The following ARL3 variants were observed in gnomAD, a reference collection of about 807,000 sequenced individuals.
The protein encoded by ARL3 is ARF like GTPase 3, also known as ADP-ribosylation factor-like protein 3.
Under a neutral mutation model 26.0 loss-of-function variants are expected in ARL3, and 9 were observed. That is an observed-to-expected ratio of 0.35 (90% CI 0.21 to 0.60). ARL3 has a LOEUF of 0.60. Among genes scored for constraint, ARL3 ranks in the 20% least tolerant of loss-of-function variants. The probability of loss-of-function intolerance (pLI) is 0.78; values close to 1 mark genes in which losing one functional copy is unlikely to be tolerated. For missense variants in ARL3, 158 were observed against 215.7 expected, an observed-to-expected ratio of 0.73 and a Z score of 1.67; for synonymous variants, 71 against 78.4, an observed-to-expected ratio of 0.91 and a Z score of 0.50.
chr10:102,681,703 C>T (rs1233205209), intron 5 of ARL3, among the ~76,000 whole-genome samples: 1 of 152,096 alleles, frequency 6.6e-6, no homozygotes, highest in African/African-American at 2.4e-5. Flanking sequence ...GCACGATCTG[C>T]TGGCTTAAGG....
chr10:102,699,860 C>CA (rs1008823515), intron 2 of ARL3, among the ~76,000 whole-genome samples: 36 of 150,026 alleles, frequency 2.4e-4, no homozygotes, highest in African/African-American at 6.6e-4. Context: ...TAACTAACAA[C>CA]AAAAAAAAAG....
At chr10:102,699,177 G>A (rs962521934) in intron 3 of ARL3, among the ~76,000 whole-genome samples, 196 bp downstream of exon 3, 1 of 152,130 alleles carries the variant, frequency 6.6e-6, no homozygotes. Context: ...GTTACTGAGC[G>A]ACAGCAAAAC....
In ARL3 at chr10:102,689,877, A is replaced by G. The variant is rs757103433; in HGVS notation, c.315+16T>C. ...ATATATATATAAGAACTTTGATATA[A>G]AAAAGAATTATTTACCTGACCCGTC... On this transcript the variant is annotated intron_variant, in intron 4 of 5. Coordinates refer to ENST00000260746, the MANE Select transcript of ARL3 (RefSeq NM_004311.4). The G allele has an allele frequency of 1.2e-5, 18 of 1,549,420 alleles. No homozygotes were observed. Among genetic ancestry groups the G allele is most frequent in the Non-Finnish European group, 1.3e-5 (15 of 1,134,124 alleles).
intron 1 of ARL3, among the ~76,000 whole-genome samples, chr10:102,712,387 G>A (rs1414842007): frequency 2.0e-5 from 3 of 152,128 alleles, no homozygotes; most frequent in Non-Finnish European, 4.4e-5. Context: ...AACAGCTCAC[G>A]CTTGTGGAGA....
At chr10:102,678,490 C>T (rs1197451243) in intron 5 of ARL3, among the ~76,000 whole-genome samples, 2 of 152,174 alleles carry the variant, frequency 1.3e-5, no homozygotes, top group Admixed American at 6.5e-5. Context: ...TAAGCATCTT[C>T]TCTCGCCTGG....
At chr10:102,708,715 G>A (rs1365791754) in intron 1 of ARL3, among the ~76,000 whole-genome samples, 1 of 151,642 alleles carries the variant, frequency 6.6e-6, no homozygotes, top group Non-Finnish European at 1.5e-5. Context: ...AATTAGCCGG[G>A]TATGGTGGCA....
At chr10:102,697,653 G>A (rs924378983) in intron 3 of ARL3, among the ~76,000 whole-genome samples, 16 of 152,088 alleles carry the variant, frequency 1.1e-4, no homozygotes, top group African/African-American at 3.4e-4. Context: ...CAAATTAGAC[G>A]AGGTCACCTA....
intron 3 of ARL3, among the ~76,000 whole-genome samples, chr10:102,697,788 T>C (rs1564731980): frequency 1.3e-5 from 2 of 151,812 alleles, no homozygotes; most frequent in African/African-American, 4.8e-5. Context: ...AAAACCAAGA[T>C]AGAATGGTGT....
chr10:102,697,409 C>G (rs1254048949), intron 3 of ARL3, among the ~76,000 whole-genome samples: 1 of 152,146 alleles, frequency 6.6e-6, no homozygotes, highest in Non-Finnish European at 1.5e-5. Context: ...GAATTCCTGA[C>G]CTCGTGATCC....
At chr10:102,699,135 T>C (rs1250631520) in intron 3 of ARL3, among the ~76,000 whole-genome samples, 1 of 152,224 alleles carries the variant, frequency 6.6e-6, no homozygotes, top group African/African-American at 2.4e-5. Flanking sequence ...AATAACACTT[T>C]ATTTTGCCAA....
chr10:102,690,447 C>T (rs1196371507), intron 3 of ARL3, among the ~76,000 whole-genome samples: 2 of 151,950 alleles, frequency 1.3e-5, no homozygotes, highest in Admixed American at 1.3e-4. Context: ...CCATGCCCAG[C>T]TAATTTTTTT....
At chr10:102,680,404 A>G (rs1339833889) in intron 5 of ARL3, among the ~76,000 whole-genome samples, 1 of 152,160 alleles carries the variant, frequency 6.6e-6, no homozygotes, top group Non-Finnish European at 1.5e-5. Context: ...ATTAGCTTCA[A>G]TTCAATAACA....
At chr10:102,678,201 G>A (rs1433363209) in intron 5 of ARL3, among the ~76,000 whole-genome samples, 2 of 151,872 alleles carry the variant, frequency 1.3e-5, no homozygotes, top group Non-Finnish European at 1.5e-5. Flanking sequence ...GGCCGGTGGC[G>A]CCGAAAGCCC....
chr10:102,705,843 T>G (rs562658479), intron 1 of ARL3, among the ~76,000 whole-genome samples: 22 of 152,256 alleles, frequency 1.4e-4, no homozygotes, highest in African/African-American at 5.3e-4. Context: ...AGGTAACTGA[T>G]GTTTGTATTT....
At chr10:102,692,417 A>G (rs564795325) in intron 3 of ARL3, among the ~76,000 whole-genome samples, 25 of 152,212 alleles carry the variant, frequency 1.6e-4, no homozygotes, top group African/African-American at 5.1e-4. Context: ...ACATGTATAC[A>G]CTTTTGTTTT....
At chr10:102,708,908 A>ATTTTTTTT (rs1554864095) in intron 1 of ARL3, among the ~76,000 whole-genome samples, 10 of 95,322 alleles carry the variant, frequency 1.0e-4, no homozygotes, top group African/African-American at 4.2e-4. Context: ...ATATATATAT[A>ATTTTTTTT]TTTTTTTTTT....
rs57721161 is a variant in ARL3, at chr10:102,703,425, C to CTTTTTT, written c.147+1915_147+1920dup. 1.9e-4 allele frequency among the ~76,000 whole-genome samples: 9 copies of CTTTTTT among 48,486 alleles called. 3 individuals carry two copies. Among genetic ancestry groups the CTTTTTT allele is most frequent in the Non-Finnish European group, 2.6e-4 (7 of 26,542 alleles). 31.8% of individuals were successfully genotyped at this position (48,486 alleles called of 152,430 possible). A position where few individuals can be genotyped will look rare whatever the true frequency, so the allele number is the denominator to read the frequency against. On this transcript the variant is annotated intron_variant, in intron 2 of 5. Coordinates refer to ENST00000260746, the MANE Select transcript of ARL3 (RefSeq NM_004311.4). ...ATGAGCCATGGTGCCCAGGACTTGT[C>CTTTTTT]TTTTTTTTTTTTTTTTTTTTTTTTT...
chr10:102,700,619 C>G (rs1282314850), intron 2 of ARL3, among the ~76,000 whole-genome samples: 1 of 151,012 alleles, frequency 6.6e-6, no homozygotes, highest in African/African-American at 2.4e-5. Context: ...CGCCTGCCAC[C>G]ACACCCGGCT....
In ARL3 at chr10:102,706,270, T is replaced by C. The variant is rs567102961; in HGVS notation, c.4-781A>G. On this transcript the variant is annotated intron_variant, in intron 1 of 5. Coordinates refer to ENST00000260746, the MANE Select transcript of ARL3 (RefSeq NM_004311.4). ...ATCGAGACCATCCTGGCTAACACGG[T>C]GAAACCCTGTCTCTACAAAAAATAT... Among the ~76,000 whole-genome samples the C allele has an allele frequency of 3.3e-5, 5 of 152,188 alleles. No individual in the cohort carries two copies. The East Asian group carries it at 5.8e-4, about 18-fold the overall frequency.
Sources: gnomAD v4.1 joint callset for allele counts (sites outside exome capture counted in the v4.1 genomes callset) on GRCh38, gnomAD v4.1.1 for gene constraint, MANE v1.5 for transcripts, NCBI Gene and HGNC (gene_info 2026-07-23, HGNC 2026-07-21) for gene names.